The following HIBCH variants were observed in gnomAD, a reference collection of about 807,000 sequenced individuals.
HIBCH encodes 3-hydroxyisobutyryl-CoA hydrolase, mitochondrial.
Under a neutral mutation model 58.2 loss-of-function variants are expected in HIBCH, and 50 were observed. The ratio of observed to expected loss-of-function variants is 0.86; its 90% CI spans 0.68 to 1.09. The LOEUF is 1.09. Ranked by LOEUF, HIBCH falls within the 50% of genes least tolerant of loss-of-function variation. The pLI, the probability that HIBCH is intolerant of heterozygous loss-of-function variation, is 0.00. For synonymous variants in HIBCH, 151 were observed against 146.9 expected (o/e 1.03, Z -0.20); for missense variants, 450 against 449.7 (o/e 1.00, Z -0.01).
chr2:190,263,303 A>G (rs1173314413), intron 6 of HIBCH, among the ~76,000 whole-genome samples: 1 of 152,152 alleles, frequency 6.6e-6, no homozygotes, highest in Non-Finnish European at 1.5e-5. Flanking sequence ...CTCATTTTTC[A>G]CCAAGCTGAA....
intron 11 of HIBCH, 119 bp from the exon 12 acceptor site, chr2:190,213,194 AC>A: frequency 1.1e-6 from 1 of 869,616 alleles, no homozygotes. Context: ...AAAAGATTAT[AC>A]CCTAGCTTAA....
chr2:190,292,578 T>G (rs1401410860), intron 4 of HIBCH, among the ~76,000 whole-genome samples: 2 of 152,254 alleles, frequency 1.3e-5, no homozygotes, highest in African/African-American at 4.8e-5. Flanking sequence ...CCCAAAGTGC[T>G]GAGATTACAG....
chr2:190,247,137 A>C (rs1474464950), intron 9 of HIBCH, among the ~76,000 whole-genome samples: 1 of 152,128 alleles, frequency 6.6e-6, no homozygotes, highest in Admixed American at 6.6e-5. Context: ...TATTGAGCAG[A>C]TCACTCTAAA....
rs76854497 is a variant in HIBCH, at chr2:190,272,290, A to G, written c.439-11056T>C. On this transcript the variant is annotated intron_variant, in intron 6 of 13. Coordinates refer to ENST00000359678, the MANE Select transcript of HIBCH (RefSeq NM_014362.4). ...AGTATCTGGCACATCTAGACATCCA[A>G]TAAGTTTTGCTGCTTGGGTAAAATA... 6.7e-3 allele frequency among the ~76,000 whole-genome samples: 1,027 copies of G among 152,308 alleles called. 7 individuals are homozygous for G. The highest frequency in any genetic ancestry group is 0.03 in the East Asian group (153 of 5,170).
At position 190,279,334 on chromosome 2, in the gene HIBCH, A is replaced by G. The variant is rs1295296388; in HGVS notation, c.438+8252T>C. Among the ~76,000 whole-genome samples, 1 of 152,228 alleles carries G rather than the reference A, an allele frequency of 6.6e-6. No individual in the cohort carries two copies. The highest frequency in any genetic ancestry group is 1.5e-5 in the Non-Finnish European group (1 of 68,038). Reference sequence around the variant, plus strand: ...CGGTGGGGACAAATATTCAAACCGTAGCATTCCATCCCTGACCTCCCAAAC... The same window carrying G: ...CGGTGGGGACAAATATTCAAACCGTGGCATTCCATCCCTGACCTCCCAAAC... On this transcript the variant is annotated intron_variant, in intron 6 of 13. Coordinates refer to ENST00000359678, the MANE Select transcript of HIBCH (RefSeq NM_014362.4). This position sits in a 1 kb window ranked among gnomAD's most constrained non-coding sequence, Gnocchi z 4.2.
At position 190,211,329 on chromosome 2, in the gene HIBCH, CAT is replaced by C. The variant is rs1357611016; in HGVS notation, c.1011+1625_1011+1626del. On this transcript the variant is annotated intron_variant, in intron 12 of 13. Coordinates refer to ENST00000359678, the MANE Select transcript of HIBCH (RefSeq NM_014362.4). The surrounding 1 kb of genome is among the most constrained non-coding windows in gnomAD (Gnocchi z 5.0). Reference sequence around the variant, plus strand: ...CAAGTCCTATCTATTCTATCTCCTACATGTGTCTCAAATCCATTTACTTCTCT... The same window carrying C: ...CAAGTCCTATCTATTCTATCTCCTACGTGTCTCAAATCCATTTACTTCTCT... 6.6e-6 allele frequency among the ~76,000 whole-genome samples: 1 copy of C among 152,190 alleles called. No homozygotes were observed. The highest frequency in any genetic ancestry group is 1.5e-5 in the Non-Finnish European group (1 of 68,038).
chr2:190,208,743 G>T, intron 13 of HIBCH, 137 bp downstream of exon 13: 2 of 691,642 alleles, frequency 2.9e-6, no homozygotes, highest in Non-Finnish European at 2.6e-6. Flanking sequence ...GTGTCATGTT[G>T]GTGCTCAAAT....
At chr2:190,219,321 G>A (rs1297488109) in intron 11 of HIBCH, among the ~76,000 whole-genome samples, 3 of 152,146 alleles carry the variant, frequency 2.0e-5, no homozygotes, top group African/African-American at 2.4e-5. Flanking sequence ...AGGAAATAAC[G>A]TATACCATGG....
At chr2:190,246,470 T>C (rs564800989) in intron 9 of HIBCH, among the ~76,000 whole-genome samples, 2 of 152,328 alleles carry the variant, frequency 1.3e-5, no homozygotes, top group East Asian at 1.9e-4. Flanking sequence ...GTAACCACTA[T>C]TACATTTGAC....
rs1229970748 is a variant in HIBCH at position 190,206,866 on chromosome 2, C to CTATA, written c.1046-1638_1046-1635dup. 6.6e-6 allele frequency among the ~76,000 whole-genome samples: 1 copy of CTATA among 152,162 alleles called. No homozygotes were observed. Among genetic ancestry groups the CTATA allele is most frequent in the East Asian group, 1.9e-4 (1 of 5,202 alleles). On this transcript the variant is annotated intron_variant, in intron 13 of 13. Coordinates refer to ENST00000359678, the MANE Select transcript of HIBCH (RefSeq NM_014362.4). This position sits in a 1 kb window ranked among gnomAD's most constrained non-coding sequence, Gnocchi z 5.1. ...ATAGGCCAGGCGCGGTGGCTCAGGC[C>CTATA]TATAATCCCAGCACTTTGGGAGGCT...
chr2:190,262,219 C>T (rs996992512), intron 6 of HIBCH, among the ~76,000 whole-genome samples: 7 of 150,578 alleles, frequency 4.6e-5, no homozygotes, highest in Non-Finnish European at 7.4e-5. Context: ...ATGCTGCAGT[C>T]TGTACAAGAC....
At chr2:190,249,344 T>A (rs557181897) in intron 9 of HIBCH, among the ~76,000 whole-genome samples, 1 of 152,320 alleles carries the variant, frequency 6.6e-6, no homozygotes, top group East Asian at 1.9e-4. Context: ...AGTGTTAACA[T>A]TGAACACCGT....
At chr2:190,232,372 T>C (rs1488494641) in intron 11 of HIBCH, among the ~76,000 whole-genome samples, 8 of 152,212 alleles carry the variant, frequency 5.3e-5, no homozygotes, top group Non-Finnish European at 1.0e-4. Flanking sequence ...ACTTCCCTTT[T>C]GGCAGTCTGG....
chr2:190,226,595 CAAAAAAAAAAAAAA>C (rs752856547), intron 11 of HIBCH, among the ~76,000 whole-genome samples: 3 of 29,392 alleles, frequency 1.0e-4, no homozygotes, highest in Non-Finnish European at 1.3e-4. Flanking sequence ...AACTCCGTCT[CAAAAAAAAAAAAAA>C]AAAAAAAAAA....
intron 11 of HIBCH, among the ~76,000 whole-genome samples, chr2:190,228,483 T>C: frequency 6.6e-6 from 1 of 151,618 alleles, no homozygotes; most frequent in Non-Finnish European, 1.5e-5. Flanking sequence ...CACAGCAACA[T>C]GGCACATATA....
At chr2:190,232,232 A>G (rs1368453891) in intron 11 of HIBCH, among the ~76,000 whole-genome samples, 2 of 152,180 alleles carry the variant, frequency 1.3e-5, no homozygotes, top group African/African-American at 4.8e-5. Flanking sequence ...ATTTCTATAT[A>G]TCAAAAAATA....
At chr2:190,305,178 A>G (rs547285001) in intron 2 of HIBCH, among the ~76,000 whole-genome samples, 2 of 152,326 alleles carry the variant, frequency 1.3e-5, no homozygotes, top group South Asian at 2.1e-4. Context: ...GTAGGAATAG[A>G]AAGAAAAGGA....
chr2:190,311,209 T>G (rs1237962858), intron 1 of HIBCH, among the ~76,000 whole-genome samples: 2 of 152,182 alleles, frequency 1.3e-5, no homozygotes, highest in African/African-American at 2.4e-5. Flanking sequence ...TCATTTCAAC[T>G]GTATGATATT....
At chr2:190,289,466 T>C (rs1303390284) in intron 5 of HIBCH, among the ~76,000 whole-genome samples, 1 of 152,156 alleles carries the variant, frequency 6.6e-6, no homozygotes, top group Non-Finnish European at 1.5e-5. Context: ...TCTAGGAGAA[T>C]ACACTAAAAA....
Sources: allele counts gnomAD v4.1 joint callset (sites outside exome capture counted in the v4.1 genomes callset), GRCh38; gene constraint gnomAD v4.1.1; non-coding constraint Gnocchi (gnomAD v3.1); transcripts MANE v1.5; gene names NCBI Gene and HGNC (gene_info 2026-07-23, HGNC 2026-07-21).